RFPL4AL1: variants seen among roughly 807,000 people sequenced by gnomAD.
RFPL4AL1 encodes the protein ret finger protein-like 4A-like protein 1.
In RFPL4AL1, 2 loss-of-function variants were observed where a neutral mutation model predicts 8.2. That is an observed-to-expected ratio of 0.24 (90% CI 0.10 to 0.77). The LOEUF (loss-of-function observed/expected upper bound fraction) is 0.77, where lower values mean the gene tolerates loss of function less well. Among genes scored for constraint, RFPL4AL1 ranks in the 30% least tolerant of loss-of-function variants. The pLI is 0.72. For missense variants in RFPL4AL1, 57 were observed against 350.3 expected (o/e 0.16, Z 6.68); for synonymous variants, 25 against 131.8 (o/e 0.19, Z 5.55).
chr19:55,770,890 T>C (rs1449037338), intron 1 of RFPL4AL1, among the ~76,000 whole-genome samples: 2 of 151,996 alleles, frequency 1.3e-5, no homozygotes, highest in Non-Finnish European at 2.9e-5. Flanking sequence ...GTTGAGCTTG[T>C]TCCTCAGTAC....
rs1230605719 is a variant in RFPL4AL1 at position 55,773,365 on chromosome 19, T to C, written c.*186T>C. Among the ~76,000 whole-genome samples, 1 of 137,936 alleles carries C rather than the reference T, an allele frequency of 7.2e-6. No homozygotes were observed. Among genetic ancestry groups the C allele is most frequent in the Non-Finnish European group, 1.6e-5 (1 of 61,640 alleles). 90.5% of individuals were successfully genotyped at this position (137,936 alleles called of 152,430 possible). On this transcript the variant is annotated 3_prime_UTR_variant, in exon 3 of 3. Transcript: ENST00000341750. The stretch of plus-strand genomic sequence containing the variant: ...ATTACATTGTACTTAAAGTTTGTCA[T>C]GTTGTTTTCTTTGGGGCTTATGTTT...
In RFPL4AL1 at chr19:55,772,839, A is replaced by T. The variant is rs1253551600; in HGVS notation, c.524A>T (p.Gln175Leu). The part of the protein sequence containing the change: ...VGVCKESVNR[Q>L]GKIELSSEHG... ...GTGTGCAAGGAATCTGTCAACCGAC[A>T]GGGGAAGATTGAGCTTTCTTCAGAA... Residue 175 changes from glutamine to leucine, a missense_variant, in exon 3 of 3, where the codon CAG (glutamine) becomes CTG (leucine). By Grantham distance (113) the Gln-to-Leu change is moderately radical (BLOSUM62 -2). Coordinates refer to ENST00000341750, the MANE Select transcript of RFPL4AL1 (RefSeq NM_001277397.2). The T allele has an allele frequency of 3.9e-6, 6 of 1,550,654 alleles. No homozygotes were observed. The highest frequency in any genetic ancestry group is 5.2e-6 in the Non-Finnish European group (6 of 1,146,640).
rs577591207 is a variant in RFPL4AL1 at position 55,770,979 on chromosome 19, T to A, written c.-9-817T>A. On this transcript the variant is annotated intron_variant, in intron 1 of 2. Coordinates refer to ENST00000341750, the MANE Select transcript of RFPL4AL1 (RefSeq NM_001277397.2). ...CATTGGAATTTGGATTATTTTGGCTTTTTTTTCTTTTTGCTACGGCCTTGA... is the reference window on the plus strand; with the variant it reads ...CATTGGAATTTGGATTATTTTGGCTATTTTTTCTTTTTGCTACGGCCTTGA... Among the ~76,000 whole-genome samples the A allele has an allele frequency of 2.3e-4, 35 of 152,136 alleles. 1 individual carries two copies. The highest frequency in any genetic ancestry group is 2.4e-4 in the Non-Finnish European group (16 of 67,956).
chr19:55,771,348 G>C (rs2059151), intron 1 of RFPL4AL1, among the ~76,000 whole-genome samples: 1 of 152,110 alleles, frequency 6.6e-6, no homozygotes, highest in African/African-American at 2.4e-5. Flanking sequence ...TTTTAACTCA[G>C]AATATAATCA....
rs1475595978 is a variant in RFPL4AL1 at position 55,772,110 on chromosome 19, T to C, written c.286+20T>C. The C allele has an allele frequency of 4.7e-6, 7 of 1,477,932 alleles. 1 individual carries two copies. The highest frequency in any genetic ancestry group is 2.5e-5 in the East Asian group (1 of 40,688). The allele number at this position is 1,477,932 out of a possible 1,614,324, so 91.6% of individuals were successfully genotyped here. On this transcript the variant is annotated intron_variant, in intron 2 of 2. Transcript: ENST00000341750. ...TTCAAGGTAAGGAATCTATAGGACC[T>C]GCCACAACCCATAAAAGGCACTGGG... is the stretch of plus-strand genomic sequence containing the variant.
chr19:55,771,445 T>G (rs1465041564), intron 1 of RFPL4AL1, among the ~76,000 whole-genome samples: 1 of 152,142 alleles, frequency 6.6e-6, no homozygotes, highest in Non-Finnish European at 1.5e-5. Flanking sequence ...AGGAGTGTAT[T>G]TGGCTCACAG....
intron 1 of RFPL4AL1, among the ~76,000 whole-genome samples, 167 bp downstream of exon 1, chr19:55,769,342 C>A (rs1401077446): frequency 6.6e-6 from 1 of 151,944 alleles, no homozygotes; most frequent in African/African-American, 2.4e-5. Flanking sequence ...TTAGGCAACT[C>A]TTAGATTTTC....
intron 1 of RFPL4AL1, among the ~76,000 whole-genome samples, chr19:55,771,102 T>TTTTTTTTTG (rs1989488336): frequency 1.3e-5 from 2 of 149,072 alleles, no homozygotes; most frequent in African/African-American, 2.4e-5. Flanking sequence ...TTTTTTTTTT[T>TTTTTTTTTG]TTTCCGCTAT....
chr19:55,772,079 G>T lies in RFPL4AL1; in HGVS notation c.275G>T (p.Arg92Met). Reference sequence around the variant, plus strand: ...GTTCTAACAATGAACCCAAGGATGAGGAAGTTTCAAGGTAAGGAATCTATA... The same window carrying T: ...GTTCTAACAATGAACCCAAGGATGATGAAGTTTCAAGGTAAGGAATCTATA... Reference protein sequence around the residue: ...KSVLTMNPRMRKFQVDMTFDV... With the variant: ...KSVLTMNPRMMKFQVDMTFDV... Residue 92 changes from arginine (R) to methionine (M), a missense_variant, in exon 2 of 3, where the codon AGG becomes ATG. Coordinates refer to ENST00000341750, the MANE Select transcript of RFPL4AL1 (RefSeq NM_001277397.2). 1 of 1,462,878 alleles carries T rather than the reference G, an allele frequency of 6.8e-7. No individual in the cohort carries two copies. Among genetic ancestry groups the T allele is most frequent in the Non-Finnish European group, 9.2e-7 (1 of 1,089,966 alleles). The allele number at this position is 1,462,878 out of a possible 1,614,324, so 90.6% of individuals were successfully genotyped here.
intron 1 of RFPL4AL1, among the ~76,000 whole-genome samples, chr19:55,771,121 T>C (rs1277169631): frequency 7.4e-6 from 1 of 135,952 alleles, no homozygotes; most frequent in African/African-American, 2.6e-5. Flanking sequence ...ATGCAGAAGA[T>C]TCAGTTTTAC....
rs1310126943 is a variant in RFPL4AL1, at chr19:55,772,820, A to T, written c.505A>T (p.Lys169Ter). The change falls in exon 3 of 3, where the codon AAG becomes TAG. Residue 169 changes from lysine (K) to a stop codon, truncating the protein, a stop_gained. Coordinates refer to ENST00000341750, the MANE Select transcript of RFPL4AL1 (RefSeq NM_001277397.2). LOFTEE classifies it low-confidence loss of function (END_TRUNC). ...CCAAGTGTGGGATGTGGGCGTGTGC[A>T]AGGAATCTGTCAACCGACAGGGGAA... ...TSQVWDVGVCKESVNRQGKIE... is the reference protein window; with the variant it reads ...TSQVWDVGVC The T allele has an allele frequency of 6.5e-7, 1 of 1,549,102 alleles. No homozygotes were observed. The highest frequency in any genetic ancestry group is 1.2e-5 in the South Asian group (1 of 83,932).
At chr19:55,770,497 C>T (rs1989471517) in intron 1 of RFPL4AL1, among the ~76,000 whole-genome samples, 1 of 151,846 alleles carries the variant, frequency 6.6e-6, no homozygotes, top group Admixed American at 6.6e-5. Context: ...TTTTGTCAGT[C>T]CTTCTAATTA....
At chr19:55,771,508 T>G (rs1989497366) in intron 1 of RFPL4AL1, among the ~76,000 whole-genome samples, 1 of 151,876 alleles carries the variant, frequency 6.6e-6, no homozygotes, top group Non-Finnish European at 1.5e-5. Context: ...CATTTGTCAC[T>G]GGTGGCTACC....
chr19:55,769,723 C>T (rs1051703583), intron 1 of RFPL4AL1, among the ~76,000 whole-genome samples: 9 of 151,830 alleles, frequency 5.9e-5, no homozygotes, highest in Admixed American at 3.9e-4. Flanking sequence ...GGGTCTCGCT[C>T]TGTCTGCCAG....
chr19:55,771,443 A>G (rs900620953), intron 1 of RFPL4AL1, among the ~76,000 whole-genome samples: 2 of 152,266 alleles, frequency 1.3e-5, no homozygotes, highest in African/African-American at 4.8e-5. Flanking sequence ...AGAGGAGTGT[A>G]TTTGGCTCAC....
At chr19:55,771,423 G>A (rs1295239267) in intron 1 of RFPL4AL1, among the ~76,000 whole-genome samples, 16 of 152,234 alleles carry the variant, frequency 1.1e-4, no homozygotes, top group African/African-American at 2.4e-4. Context: ...TCCCCATTAC[G>A]TCTTCACAAA....
Position 55,771,915 on chromosome 19 carries a change from A to C in RFPL4AL1, c.111A>C (p.Ser37=). The change falls in exon 2 of 3, where the codon TCA becomes TCC. Residue 37 remains serine, a synonymous_variant. Coordinates refer to ENST00000341750, the MANE Select transcript of RFPL4AL1 (RefSeq NM_001277397.2). ...CCTGCTGCCTCCAGTGCCTCAATTC[A>C]CTCCAGAAGGAGCCCGATGGGGAAG... ...GYACCLQCLN[S]LQKEPDGEGL... is the part of the protein sequence containing the mutation. 1 of 1,538,806 alleles carries C rather than the reference A, an allele frequency of 6.5e-7. No homozygotes were observed.
chr19:55,772,214 A>C (rs1321172582), intron 2 of RFPL4AL1, 124 bp downstream of exon 2: 14 of 627,658 alleles, frequency 2.2e-5, no homozygotes, highest in Non-Finnish European at 3.8e-5. Context: ...ATGCTTCACA[A>C]ACAACAGCAG....
chr19:55,772,163 A>G lies in RFPL4AL1; in HGVS notation c.286+73A>G. The G allele has an allele frequency of 5.6e-6, 8 of 1,428,642 alleles. 1 individual carries two copies. The highest frequency in any genetic ancestry group is 7.6e-6 in the Non-Finnish European group (8 of 1,057,298). The allele number at this position is 1,428,642 out of a possible 1,614,324, so 88.5% of individuals were successfully genotyped here. A position where few individuals can be genotyped will look rare whatever the true frequency, so the allele number is the denominator to read the frequency against. On this transcript the variant is annotated intron_variant, in intron 2 of 2. Transcript: ENST00000341750. Reference sequence around the variant, plus strand: ...AACGACTTTCAAACATTTCTTCATTAAACATAGGCATTAGCAGGATATCTA... The same window carrying G: ...AACGACTTTCAAACATTTCTTCATTGAACATAGGCATTAGCAGGATATCTA...
Sources: allele counts gnomAD v4.1 joint callset (sites outside exome capture counted in the v4.1 genomes callset), GRCh38; gene constraint gnomAD v4.1.1; transcripts MANE v1.5; gene names NCBI Gene and HGNC (gene_info 2026-07-23, HGNC 2026-07-21).